SH3GL2: variants seen among roughly 807,000 people sequenced by gnomAD.
SH3GL2 encodes the protein endophilin-A1.
In SH3GL2, 24 loss-of-function variants were observed where a neutral mutation model predicts 46.0. That is an observed-to-expected ratio of 0.52 (90% CI 0.38 to 0.73). The LOEUF is 0.73. SH3GL2 is among the 30% of genes least tolerant of loss of function. The probability of loss-of-function intolerance (pLI) is 0.00; values close to 1 mark genes in which losing one functional copy is unlikely to be tolerated. For synonymous variants in SH3GL2, 196 were observed against 147.1 expected (o/e 1.33, Z -2.40); for missense variants, 413 against 424.2 (o/e 0.97, Z 0.23).
At chr9:17,783,932 A>T (rs1472081403) in intron 3 of SH3GL2, among the ~76,000 whole-genome samples, 1 of 152,118 alleles carries the variant, frequency 6.6e-6, no homozygotes, top group Non-Finnish European at 1.5e-5. Context: ...TTCCAGGCTC[A>T]CTCTCAGTTT....
rs993984766 is a variant in SH3GL2, at chr9:17,628,990, T to G, written c.45+49703T>G. On this transcript the variant is annotated intron_variant, in intron 1 of 8. Coordinates refer to ENST00000380607, the MANE Select transcript of SH3GL2 (RefSeq NM_003026.5). ...AGAAAATTAAATTACCTTTTTTTTT[T>G]TTTGCTGATGCCTTCTGTCTGTCAA... is the stretch of plus-strand genomic sequence containing the variant. Among the ~76,000 whole-genome samples the G allele has an allele frequency of 2.2e-4, 34 of 152,262 alleles. No individual in the cohort carries two copies. The East Asian group carries it at 6.4e-3, about 29-fold the overall frequency.
intron 1 of SH3GL2, among the ~76,000 whole-genome samples, chr9:17,659,576 T>G (rs755405776): frequency 6.6e-6 from 1 of 152,142 alleles, no homozygotes; most frequent in Non-Finnish European, 1.5e-5. Context: ...GGGAGAGAAG[T>G]CTTCATCCTT....
chr9:17,784,108 A>G (rs1823888776), intron 3 of SH3GL2, among the ~76,000 whole-genome samples: 1 of 152,150 alleles, frequency 6.6e-6, no homozygotes, highest in African/African-American at 2.4e-5. Context: ...GTCTCTTCAG[A>G]TATGTGAATT....
At chr9:17,762,286 C>T (rs958126532) in intron 3 of SH3GL2, among the ~76,000 whole-genome samples, 2 of 151,376 alleles carry the variant, frequency 1.3e-5, no homozygotes, top group Non-Finnish European at 2.9e-5. Context: ...AGGCTAGTTT[C>T]TTTGCAAGTT....
intron 1 of SH3GL2, among the ~76,000 whole-genome samples, chr9:17,638,212 A>G (rs929859428): frequency 3.9e-5 from 6 of 152,098 alleles, no homozygotes; most frequent in African/African-American, 1.2e-4. Context: ...GATGTTTTGC[A>G]AGATATCCTA....
intron 1 of SH3GL2, among the ~76,000 whole-genome samples, chr9:17,619,109 G>A (rs1306873520): frequency 1.3e-5 from 2 of 152,028 alleles, no homozygotes; most frequent in East Asian, 3.9e-4. Context: ...TTAATCTTAC[G>A]AATCCCATTA....
chr9:17,751,202 A>G (rs934848889), intron 2 of SH3GL2, among the ~76,000 whole-genome samples: 1 of 152,142 alleles, frequency 6.6e-6, no homozygotes, highest in African/African-American at 2.4e-5. Flanking sequence ...GAGTTTTAAG[A>G]AGAGCAAGTT....
At chr9:17,652,792 A>G (rs910687767) in intron 1 of SH3GL2, among the ~76,000 whole-genome samples, 1 of 152,188 alleles carries the variant, frequency 6.6e-6, no homozygotes, top group Non-Finnish European at 1.5e-5. Flanking sequence ...TGCTATGGGA[A>G]ACATACTGAA....
chr9:17,587,117 G>T (rs1260989741), intron 1 of SH3GL2, among the ~76,000 whole-genome samples: 1 of 152,202 alleles, frequency 6.6e-6, no homozygotes, highest in African/African-American at 2.4e-5. Flanking sequence ...CAGGAGAATT[G>T]CTTGCACCTG....
intron 1 of SH3GL2, among the ~76,000 whole-genome samples, chr9:17,737,030 G>T (rs1003189294): frequency 3.9e-5 from 6 of 152,054 alleles, no homozygotes; most frequent in Non-Finnish European, 5.9e-5. Flanking sequence ...CCATAAAAAA[G>T]GATGAGTTCA....
chr9:17,597,996 T>C (rs1011043912), intron 1 of SH3GL2, among the ~76,000 whole-genome samples: 2 of 152,162 alleles, frequency 1.3e-5, no homozygotes, highest in Admixed American at 1.3e-4. Flanking sequence ...GGCAGTGCAG[T>C]GTGGGAGACA....
At chr9:17,643,960 C>G (rs544242339) in intron 1 of SH3GL2, among the ~76,000 whole-genome samples, 4 of 152,144 alleles carry the variant, frequency 2.6e-5, no homozygotes, top group African/African-American at 9.7e-5. Context: ...TTCGTCTGGT[C>G]CTGGGCTTTT....
intron 1 of SH3GL2, among the ~76,000 whole-genome samples, chr9:17,703,363 G>A (rs1821383932): frequency 6.6e-6 from 1 of 151,952 alleles, no homozygotes; most frequent in Admixed American, 6.6e-5. Context: ...TCACAAGTTT[G>A]AATATTAAAA....
At chr9:17,647,672 A>G (rs77045106) in intron 1 of SH3GL2, among the ~76,000 whole-genome samples, 2,607 of 152,294 alleles carry the variant, frequency 0.017, 46 homozygotes, top group Admixed American at 0.043. Context: ...GGTAGTAATT[A>G]TTATGGCCAC....
intron 1 of SH3GL2, among the ~76,000 whole-genome samples, chr9:17,649,683 A>G (rs1406915618): frequency 6.6e-6 from 1 of 152,208 alleles, no homozygotes; most frequent in Non-Finnish European, 1.5e-5. Flanking sequence ...TCTTTTGGCA[A>G]ATACACGTAT....
At chr9:17,645,182 T>TTTTTTTA (rs1819781790) in intron 1 of SH3GL2, among the ~76,000 whole-genome samples, 3 of 72,704 alleles carry the variant, frequency 4.1e-5, no homozygotes, top group Admixed American at 1.5e-4. Context: ...TTTTTTTTTT[T>TTTTTTTA]GCTTTCCATT....
At chr9:17,581,500 T>C (rs529716843) in intron 1 of SH3GL2, among the ~76,000 whole-genome samples, 1 of 152,338 alleles carries the variant, frequency 6.6e-6, no homozygotes, top group East Asian at 1.9e-4. Context: ...TATGTATATT[T>C]AGGAGAGTAT....
chr9:17,740,477 T>C (rs911539531), intron 1 of SH3GL2, among the ~76,000 whole-genome samples: 1 of 152,098 alleles, frequency 6.6e-6, no homozygotes, highest in East Asian at 1.9e-4. Context: ...TATTGTATTG[T>C]ATTGTATTGT....
chr9:17,774,698 C>T lies in SH3GL2; in HGVS notation c.188-11683C>T, dbSNP rs1008941862. On this transcript the variant is annotated intron_variant, in intron 3 of 8. Transcript: ENST00000380607. ...TATGCTGTTGAATTTGCTTTGCTAG[C>T]ATTTTGTTGAGAATTTTCACAACAA... is the stretch of plus-strand genomic sequence containing the variant. Among the ~76,000 whole-genome samples the T allele has an allele frequency of 2.0e-5, 3 of 152,138 alleles. No individual in the cohort carries two copies. The East Asian group carries it at 5.8e-4, about 29-fold the overall frequency.
Sources: gnomAD v4.1 joint callset for allele counts (sites outside exome capture counted in the v4.1 genomes callset) on GRCh38, gnomAD v4.1.1 for gene constraint, MANE v1.5 for transcripts, NCBI Gene and HGNC (gene_info 2026-07-23, HGNC 2026-07-21) for gene names.